Variants in PTPRD observed in about 807,000 individuals in gnomAD.
The protein encoded by PTPRD is protein tyrosine phosphatase receptor type D.
A neutral mutation model predicts 214.5 loss-of-function variants in PTPRD; 34 were observed. The ratio of observed to expected loss-of-function variants is 0.16; its 90% confidence interval spans 0.12 to 0.21. The LOEUF (loss-of-function observed/expected upper bound fraction) is 0.21, where lower values mean the gene tolerates loss of function less well. Among genes scored for constraint, PTPRD ranks in the 10% least tolerant of loss-of-function variants. PTPRD has a pLI of 1.00. For synonymous variants in PTPRD, 1,128 were observed against 845.7 expected, an observed-to-expected ratio of 1.33 and a Z score of -5.79; for missense variants, 2,545 against 2,398.7, an observed-to-expected ratio of 1.06 and a Z score of -1.27.
chr9:10,248,531 A>T (rs1172642202), intron 3 of PTPRD, among the ~76,000 whole-genome samples: 1 of 145,230 alleles, frequency 6.9e-6, no homozygotes, highest in South Asian at 2.2e-4. Flanking sequence ...AAAAAATAAA[A>T]AAAATAAAGC....
intron 3 of PTPRD, among the ~76,000 whole-genome samples, chr9:10,130,754 G>GA (rs915285921): frequency 1.3e-5 from 2 of 151,590 alleles, no homozygotes; most frequent in African/African-American, 4.8e-5. Flanking sequence ...AGAGAAAACT[G>GA]AAAAAAAATA....
chr9:10,232,179 G>C (rs576451210), intron 3 of PTPRD, among the ~76,000 whole-genome samples: 3 of 151,836 alleles, frequency 2.0e-5, no homozygotes, highest in East Asian at 3.9e-4. Context: ...CATGCCCCTT[G>C]AACTTCCCAG....
intron 3 of PTPRD, among the ~76,000 whole-genome samples, chr9:10,290,065 C>T (rs567476255): frequency 6.6e-6 from 1 of 152,152 alleles, no homozygotes; most frequent in South Asian, 2.1e-4. Context: ...ACAGGATGAC[C>T]ATAATACATT....
intron 11 of PTPRD, among the ~76,000 whole-genome samples, chr9:8,836,113 T>C (rs2097416065): frequency 6.6e-6 from 1 of 152,208 alleles, no homozygotes; most frequent in Non-Finnish European, 1.5e-5. Flanking sequence ...CCTAGAGTTT[T>C]GCGTTTTATG....
chr9:10,540,023 T>C (rs760832361), intron 2 of PTPRD, among the ~76,000 whole-genome samples: 2 of 152,164 alleles, frequency 1.3e-5, no homozygotes, highest in Non-Finnish European at 2.9e-5. Flanking sequence ...ACTATGTTTG[T>C]TGGTTTGTTT....
intron 8 of PTPRD, among the ~76,000 whole-genome samples, chr9:9,421,314 C>T (rs897736120): frequency 1.5e-5 from 2 of 135,934 alleles, no homozygotes; most frequent in Middle Eastern, 7.4e-3. Flanking sequence ...GTGTTACATA[C>T]AATATAAACA....
At chr9:9,027,551 C>G (rs1185614737) in intron 10 of PTPRD, among the ~76,000 whole-genome samples, 2 of 151,872 alleles carry the variant, frequency 1.3e-5, no homozygotes, top group East Asian at 3.9e-4. Flanking sequence ...GTGGGGCTTT[C>G]AACCAAATTA....
chr9:9,741,643 C>T (rs958952913), intron 6 of PTPRD, among the ~76,000 whole-genome samples: 5 of 152,160 alleles, frequency 3.3e-5, no homozygotes, highest in South Asian at 2.1e-4. Flanking sequence ...GTGTGATGTT[C>T]GCCTCCCTGC....
At chr9:9,090,641 A>G (rs2099774138) in intron 10 of PTPRD, among the ~76,000 whole-genome samples, 1 of 152,224 alleles carries the variant, frequency 6.6e-6, no homozygotes, top group Non-Finnish European at 1.5e-5. Context: ...TAACAATAAT[A>G]GTTGGCAGCC....
chr9:9,352,999 T>C (rs1367993512), intron 9 of PTPRD, among the ~76,000 whole-genome samples: 1 of 151,928 alleles, frequency 6.6e-6, no homozygotes, highest in East Asian at 1.9e-4. Flanking sequence ...ATCTTTATTG[T>C]TCTTATTTTC....
chr9:9,516,240 C>CAATGCATACTCACTAAATT (rs56916760), intron 8 of PTPRD, among the ~76,000 whole-genome samples: 1 of 151,448 alleles, frequency 6.6e-6, no homozygotes, highest in Non-Finnish European at 1.5e-5. Flanking sequence ...CCATCTAAAT[C>CAATGCATACTCACTAAATT]TATTTTAACT....
At chr9:9,076,686 T>C (rs554780722) in intron 10 of PTPRD, among the ~76,000 whole-genome samples, 1 of 152,084 alleles carries the variant, frequency 6.6e-6, no homozygotes, top group African/African-American at 2.4e-5. Context: ...ATTTTCTTTA[T>C]CCATTCATCT....
At chr9:8,372,606 T>A (rs745775591) in intron 39 of PTPRD, among the ~76,000 whole-genome samples, 2 of 152,148 alleles carry the variant, frequency 1.3e-5, no homozygotes, top group Non-Finnish European at 2.9e-5. Flanking sequence ...TATGAACTGA[T>A]AGATAACTAG....
chr9:9,513,316 T>A (rs1049358841), intron 8 of PTPRD, among the ~76,000 whole-genome samples: 1 of 151,996 alleles, frequency 6.6e-6, no homozygotes, highest in Non-Finnish European at 1.5e-5. Flanking sequence ...CATGCTAATA[T>A]CTTTGCCCTT....
At chr9:8,699,034 G>C (rs549564965) in intron 12 of PTPRD, among the ~76,000 whole-genome samples, 6 of 152,072 alleles carry the variant, frequency 3.9e-5, no homozygotes, top group Admixed American at 1.3e-4. Flanking sequence ...TCTTCTTTAA[G>C]GATGGATTTC....
chr9:10,271,170 T>G (rs1367578900), intron 3 of PTPRD, among the ~76,000 whole-genome samples: 1 of 152,140 alleles, frequency 6.6e-6, no homozygotes, highest in African/African-American at 2.4e-5. Context: ...AGATAAAAAG[T>G]GAGCCATATT....
At chr9:9,969,573 T>G (rs937759770) in intron 4 of PTPRD, among the ~76,000 whole-genome samples, 2 of 152,186 alleles carry the variant, frequency 1.3e-5, no homozygotes, top group Non-Finnish European at 2.9e-5. Context: ...TCTAATTCAG[T>G]GTGAACATTA....
At chr9:8,892,595 GTATA>G (rs1218017925) in intron 11 of PTPRD, among the ~76,000 whole-genome samples, 2 of 148,740 alleles carry the variant, frequency 1.3e-5, no homozygotes, top group African/African-American at 5.0e-5. Flanking sequence ...ATATATATGT[GTATA>G]TATATGTGTG....
At chr9:8,912,846 G>C (rs910578480) in intron 11 of PTPRD, among the ~76,000 whole-genome samples, 1 of 152,036 alleles carries the variant, frequency 6.6e-6, no homozygotes, top group African/African-American at 2.4e-5. Flanking sequence ...TAAACCTCAG[G>C]TTCCTAAATG....
Sources: gnomAD v4.1 joint callset for allele counts (sites outside exome capture counted in the v4.1 genomes callset) on GRCh38, gnomAD v4.1.1 for gene constraint, MANE v1.5 for transcripts, NCBI Gene and HGNC (gene_info 2026-07-23, HGNC 2026-07-21) for gene names.